GADL1: variants seen among roughly 807,000 people sequenced by gnomAD.
The protein encoded by GADL1 is acidic amino acid decarboxylase GADL1.
A neutral mutation model predicts 69.5 loss-of-function variants in GADL1; 71 were observed. The observed-to-expected ratio is 1.02, with a 90% CI of 0.84 to 1.25. The LOEUF (loss-of-function observed/expected upper bound fraction) is 1.25, where lower values mean the gene tolerates loss of function less well. GADL1 is among the 50% of genes most tolerant of loss of function. GADL1 has a pLI of 0.00. For missense variants in GADL1, 737 were observed against 631.8 expected (o/e 1.17, Z -1.79); for synonymous variants, 254 against 214.4 (o/e 1.18, Z -1.62).
chr3:30,765,454 T>A (rs1678601577), intron 14 of GADL1, among the ~76,000 whole-genome samples: 1 of 130,378 alleles, frequency 7.7e-6, no homozygotes, highest in Non-Finnish European at 1.7e-5. Flanking sequence ...TTTTGCTGAA[T>A]GAATCAATAA....
chr3:30,827,815 T>A (rs57120010), intron 11 of GADL1, among the ~76,000 whole-genome samples: 15,081 of 151,896 alleles, frequency 0.099, 1,779 homozygotes, highest in East Asian at 0.32. Context: ...GGGAAGAATT[T>A]TCTGAGCTCA....
At chr3:30,851,261 T>C (rs1279258810) in intron 4 of GADL1, among the ~76,000 whole-genome samples, 1 of 152,156 alleles carries the variant, frequency 6.6e-6, no homozygotes, top group Non-Finnish European at 1.5e-5. Context: ...GCCATTTCAC[T>C]CTGTGGATGC....
chr3:30,821,171 C>A (rs761561466), intron 11 of GADL1, among the ~76,000 whole-genome samples: 1 of 151,694 alleles, frequency 6.6e-6, no homozygotes, highest in African/African-American at 2.4e-5. Flanking sequence ...CTGGGGACTG[C>A]TGGGTGTGGG....
chr3:30,761,068 T>C (rs560379254), intron 14 of GADL1, among the ~76,000 whole-genome samples: 1 of 152,324 alleles, frequency 6.6e-6, no homozygotes, highest in East Asian at 1.9e-4. Context: ...ATATTTTGAA[T>C]GGAAAAAAGC....
intron 11 of GADL1, among the ~76,000 whole-genome samples, chr3:30,819,946 G>A (rs1479992956): frequency 1.3e-5 from 2 of 151,914 alleles, no homozygotes; most frequent in African/African-American, 4.8e-5. Context: ...CAAAATTTCT[G>A]AGCAAGAGTT....
intron 14 of GADL1, among the ~76,000 whole-genome samples, chr3:30,752,466 C>T (rs1014727449): frequency 1.4e-4 from 21 of 152,136 alleles, no homozygotes; most frequent in African/African-American, 5.1e-4. Flanking sequence ...TTAGATAATG[C>T]TCTGTATCTA....
At chr3:30,865,459 T>C (rs971691362) in intron 1 of GADL1, among the ~76,000 whole-genome samples, 2 of 151,976 alleles carry the variant, frequency 1.3e-5, no homozygotes, top group African/African-American at 4.8e-5. Context: ...TAAATGAAAG[T>C]TCTTCCTGGT....
chr3:30,782,931 T>G (rs1389912658), intron 13 of GADL1, among the ~76,000 whole-genome samples: 2 of 152,182 alleles, frequency 1.3e-5, no homozygotes, highest in East Asian at 1.9e-4. Context: ...GTTATATAGT[T>G]TTATTAGATT....
At chr3:30,863,475 A>G (rs1273824296) in intron 1 of GADL1, among the ~76,000 whole-genome samples, 1 of 152,008 alleles carries the variant, frequency 6.6e-6, no homozygotes, top group Non-Finnish European at 1.5e-5. Flanking sequence ...CCTACCCAAA[A>G]TAGCCCTCCA....
At chr3:30,877,924 G>C (rs1698599479) in intron 1 of GADL1, among the ~76,000 whole-genome samples, 1 of 151,900 alleles carries the variant, frequency 6.6e-6, no homozygotes, top group Non-Finnish European at 1.5e-5. Flanking sequence ...TTAACATGAA[G>C]AAGGTCCTGA....
intron 14 of GADL1, among the ~76,000 whole-genome samples, chr3:30,760,429 A>G (rs1696099387): frequency 6.6e-6 from 1 of 152,106 alleles, no homozygotes; most frequent in African/African-American, 2.4e-5. Flanking sequence ...TCCAACCCTG[A>G]ACTTGTCATA....
At chr3:30,788,540 A>T (rs1386818407) in intron 12 of GADL1, among the ~76,000 whole-genome samples, 3 of 152,136 alleles carry the variant, frequency 2.0e-5, no homozygotes, top group Admixed American at 6.5e-5. Flanking sequence ...GGTGGCTGGG[A>T]CAATTTCTTA....
At chr3:30,830,407 C>T (rs1494731) in intron 11 of GADL1, among the ~76,000 whole-genome samples, 55,157 of 151,824 alleles carry the variant, frequency 0.36, 13,822 homozygotes, top group African/African-American at 0.67. Flanking sequence ...CAATGTCTTT[C>T]GTTATGGGGA....
chr3:30,881,571 A>C (rs1034195818), intron 1 of GADL1, among the ~76,000 whole-genome samples: 2 of 151,938 alleles, frequency 1.3e-5, no homozygotes, highest in African/African-American at 4.8e-5. Flanking sequence ...AACAGTATAA[A>C]AAAAGATATA....
chr3:30,857,123 G>A lies in GADL1; in HGVS notation c.229C>T (p.Pro77Ser). 5 of 1,550,188 alleles carry A rather than the reference G, an allele frequency of 3.2e-6. No homozygotes were observed. The highest frequency in any genetic ancestry group is 4.4e-6 in the Non-Finnish European group (5 of 1,145,888). Residue 77 changes from proline (P) to serine (S), a missense_variant, in exon 3 of 15, where the codon CCT becomes TCT. Pro to Ser is a moderately conservative substitution (Grantham distance 74). Coordinates refer to ENST00000282538, the MANE Select transcript of GADL1 (RefSeq NM_207359.3). ...VNEKVCEWRP[P>S]EQLKQLLDLE... ...TCAAGAAGCTGTTTCAGTTGTTCAG[G>A]AGGCCTCCATTCACACACCTGGAGA...
chr3:30,809,010 C>T (rs1697307848), intron 11 of GADL1, among the ~76,000 whole-genome samples: 1 of 152,196 alleles, frequency 6.6e-6, no homozygotes, highest in African/African-American at 2.4e-5. Context: ...GCTTCATATA[C>T]TCAACTCTAC....
rs149844972 is a variant in GADL1, at chr3:30,838,177, C to A, written c.903+820G>T. On this transcript the variant is annotated intron_variant, in intron 9 of 14. Transcript: ENST00000282538. ...AACTATCACTTACCAGAGGAAAGCT[C>A]CCAAAACACCATGTGCAATTGTCTC... 4.5e-3 allele frequency among the ~76,000 whole-genome samples: 687 copies of A among 152,126 alleles called. 1 individual carries two copies. The highest frequency in any genetic ancestry group is 0.014 in the Middle Eastern group (4 of 294).
intron 1 of GADL1, among the ~76,000 whole-genome samples, chr3:30,883,469 G>T (rs1015894221): frequency 6.6e-6 from 1 of 151,930 alleles, no homozygotes; most frequent in African/African-American, 2.4e-5. Flanking sequence ...TATGTGAGGG[G>T]TTATTTCTGA....
chr3:30,868,311 T>C (rs575331976), intron 1 of GADL1, among the ~76,000 whole-genome samples: 1 of 152,188 alleles, frequency 6.6e-6, no homozygotes. Flanking sequence ...TTTTATCTTA[T>C]AAAATGAGGC....
Sources: gnomAD v4.1 joint callset for allele counts (sites outside exome capture counted in the v4.1 genomes callset) on GRCh38, gnomAD v4.1.1 for gene constraint, MANE v1.5 for transcripts, NCBI Gene and HGNC (gene_info 2026-07-23, HGNC 2026-07-21) for gene names.